The following TMEM132D variants were observed in gnomAD, a reference collection of about 807,000 sequenced individuals.
TMEM132D encodes transmembrane protein 132D.
Under a neutral mutation model 62.3 loss-of-function variants are expected in TMEM132D, and 21 were observed. The observed-to-expected ratio is 0.34, with a 90% CI of 0.24 to 0.49. The LOEUF (loss-of-function observed/expected upper bound fraction) is 0.49, where lower values mean the gene tolerates loss of function less well. TMEM132D is among the 20% of genes least tolerant of loss of function. The pLI, the probability that TMEM132D is intolerant of heterozygous loss-of-function variation, is 0.99. For synonymous variants in TMEM132D, 621 were observed against 575.6 expected (o/e 1.08, Z -1.13); for missense variants, 1,346 against 1,402.8 (o/e 0.96, Z 0.65).
intron 2 of TMEM132D, among the ~76,000 whole-genome samples, chr12:129,608,942 T>C (rs2137149383): frequency 1.1e-5 from 1 of 94,850 alleles, no homozygotes; most frequent in Admixed American, 9.4e-5. Flanking sequence ...CCTCAAATTG[T>C]TCTTTTTTTT....
intron 3 of TMEM132D, among the ~76,000 whole-genome samples, chr12:129,407,850 A>G (rs1871840307): frequency 6.6e-6 from 1 of 150,818 alleles, no homozygotes; most frequent in Non-Finnish European, 1.5e-5. Flanking sequence ...GGATCGCACC[A>G]CTGCACTCCA....
At chr12:129,866,934 T>C (rs1031065050) in intron 1 of TMEM132D, among the ~76,000 whole-genome samples, 2 of 152,098 alleles carry the variant, frequency 1.3e-5, no homozygotes, top group Non-Finnish European at 2.9e-5. Context: ...TATATATACA[T>C]GGAATATTAC....
intron 4 of TMEM132D, among the ~76,000 whole-genome samples, chr12:129,223,280 G>A (rs772748990): frequency 1.3e-5 from 2 of 151,812 alleles, no homozygotes; most frequent in African/African-American, 2.4e-5. Context: ...TGCTACTTCC[G>A]AGGCTAGGTC....
At chr12:129,245,882 G>C (rs1306537517) in intron 4 of TMEM132D, among the ~76,000 whole-genome samples, 1 of 152,192 alleles carries the variant, frequency 6.6e-6, no homozygotes, top group Non-Finnish European at 1.5e-5. Flanking sequence ...TATAAATAAA[G>C]ATGTTTCATG....
chr12:129,620,812 G>C (rs1879045383), intron 2 of TMEM132D, among the ~76,000 whole-genome samples: 1 of 152,072 alleles, frequency 6.6e-6, no homozygotes, highest in African/African-American at 2.4e-5. Flanking sequence ...CACACACTGG[G>C]GCCCTCTTGG....
At chr12:129,658,472 C>A (rs900552511) in intron 2 of TMEM132D, among the ~76,000 whole-genome samples, 21 of 152,118 alleles carry the variant, frequency 1.4e-4, no homozygotes, top group African/African-American at 4.8e-4. Flanking sequence ...TACAAACAAG[C>A]ATTTACAGAC....
intron 5 of TMEM132D, among the ~76,000 whole-genome samples, chr12:129,151,674 C>T (rs1430404052): frequency 6.6e-6 from 1 of 152,190 alleles, no homozygotes; most frequent in South Asian, 2.1e-4. Flanking sequence ...TCTTCAGACT[C>T]TTTCTTGGGA....
At chr12:129,379,028 T>C (rs1870861750) in intron 3 of TMEM132D, among the ~76,000 whole-genome samples, 1 of 152,220 alleles carries the variant, frequency 6.6e-6, no homozygotes, top group African/African-American at 2.4e-5. Flanking sequence ...CATCAATGGA[T>C]TAACTTTAAT....
In TMEM132D at chr12:129,903,103, GC is replaced by G. The variant is rs1242011809; in HGVS notation, c.79+157del. Among the ~76,000 whole-genome samples the G allele has an allele frequency of 6.6e-6, 1 of 152,304 alleles. No homozygotes were observed. Among genetic ancestry groups the G allele is most frequent in the East Asian group, 1.9e-4 (1 of 5,162 alleles). ...TCCGAGGAGCTTGGCTGCCGCACGAGCGCACGTTCACACGCGCGCACACACA... is the reference window on the plus strand; with the variant it reads ...TCCGAGGAGCTTGGCTGCCGCACGAGGCACGTTCACACGCGCGCACACACA... On this transcript the variant is annotated intron_variant, in intron 1 of 8. Coordinates refer to ENST00000422113, the MANE Select transcript of TMEM132D (RefSeq NM_133448.3). This position sits in a 1 kb window ranked among gnomAD's most constrained non-coding sequence, Gnocchi z 6.2.
chr12:129,292,436 C>T (rs1881471003), intron 4 of TMEM132D, among the ~76,000 whole-genome samples: 1 of 152,180 alleles, frequency 6.6e-6, no homozygotes, highest in Admixed American at 6.5e-5. Flanking sequence ...AATCAAATCA[C>T]ACCCATGAGC....
chr12:129,343,485 T>C lies in TMEM132D; in HGVS notation c.1116-5668A>G, dbSNP rs1344306855. Reference sequence around the variant, plus strand: ...AGATATACCTAATGTAAATGATGAGTTAATAGGTGCAGCACACCAACATGT... The same window carrying C: ...AGATATACCTAATGTAAATGATGAGCTAATAGGTGCAGCACACCAACATGT... On this transcript the variant is annotated intron_variant, in intron 3 of 8. Coordinates refer to ENST00000422113, the MANE Select transcript of TMEM132D (RefSeq NM_133448.3). Among the ~76,000 whole-genome samples the C allele has an allele frequency of 2.0e-5, 3 of 151,850 alleles. No homozygotes were observed. In the South Asian group the frequency reaches 6.2e-4, roughly 32 times the overall value.
At position 129,210,685 on chromosome 12, in the gene TMEM132D, T is replaced by C. The variant is rs116030702; in HGVS notation, c.1300-1022A>G. On this transcript the variant is annotated intron_variant, in intron 4 of 8. Transcript: ENST00000422113. ...AGACTCTAAGCTCCATGGGGCTGTA[T>C]CTGCTTTCTGCTCACCAGCACCCAG... 2.5e-3 allele frequency among the ~76,000 whole-genome samples: 374 copies of C among 152,326 alleles called. 2 individuals are homozygous for C. The highest frequency in any genetic ancestry group is 8.6e-3 in the African/African-American group (356 of 41,580).
In TMEM132D at chr12:129,071,782, T is replaced by G. The variant is rs1333144068; in HGVS notation, c.*2093A>C. On this transcript the variant is annotated 3_prime_UTR_variant, in exon 9 of 9. Transcript: ENST00000422113. The stretch of plus-strand genomic sequence containing the variant: ...AGTAAGTTTATAAATATATATTACA[T>G]TCTTACAATCTACAGTACATTCTAC... 6.6e-6 allele frequency: 1 copy of G among 152,234 alleles called. No homozygotes were observed. Among genetic ancestry groups the G allele is most frequent in the African/African-American group, 2.4e-5 (1 of 41,458 alleles). The allele number at this position is 152,234 out of a possible 1,614,324, so 9.4% of individuals were successfully genotyped here. A position where few individuals can be genotyped will look rare whatever the true frequency, so the allele number is the denominator to read the frequency against.
chr12:129,859,246 T>C (rs939144938), intron 1 of TMEM132D, among the ~76,000 whole-genome samples: 12 of 152,196 alleles, frequency 7.9e-5, no homozygotes, highest in Admixed American at 1.3e-4. Flanking sequence ...TCGAGAACCA[T>C]AGACATAGAC....
At chr12:129,892,708 T>A (rs1169015012) in intron 1 of TMEM132D, among the ~76,000 whole-genome samples, 1 of 152,140 alleles carries the variant, frequency 6.6e-6, no homozygotes. Flanking sequence ...CATCTCCCCA[T>A]CATTTATGGC....
rs139901795 is a variant in TMEM132D at position 129,277,825 on chromosome 12, C to A, written c.1299+59809G>T. Among the ~76,000 whole-genome samples the A allele has an allele frequency of 6.6e-6, 1 of 152,176 alleles. No homozygotes were observed. Among genetic ancestry groups the A allele is most frequent in the African/African-American group, 2.4e-5 (1 of 41,450 alleles). On this transcript the variant is annotated intron_variant, in intron 4 of 8. Transcript: ENST00000422113. This position sits in a 1 kb window ranked among gnomAD's most constrained non-coding sequence, Gnocchi z 4.2. ...TGAATATGACAAAGTTTGGAAAATACTGACCCAGAGGATGGATCCTTAGGC... is the reference window on the plus strand; with the variant it reads ...TGAATATGACAAAGTTTGGAAAATAATGACCCAGAGGATGGATCCTTAGGC...
intron 4 of TMEM132D, among the ~76,000 whole-genome samples, chr12:129,258,413 T>C (rs1194494914): frequency 3.3e-5 from 5 of 152,166 alleles, no homozygotes; most frequent in African/African-American, 1.2e-4. Flanking sequence ...AATAGAAACG[T>C]TCCAGTCTAT....
intron 2 of TMEM132D, 57 bp from the exon 3 acceptor site, chr12:129,531,262 C>G (rs112861401): frequency 6.5e-7 from 1 of 1,531,818 alleles, no homozygotes. Context: ...CCGGGTCATG[C>G]TGGTTCTGGG....
chr12:129,747,658 G>GAC lies in TMEM132D; in HGVS notation c.80-46962_80-46961dup, dbSNP rs935496615. Among the ~76,000 whole-genome samples, 5 of 144,236 alleles carry GAC rather than the reference G, an allele frequency of 3.5e-5. No individual in the cohort carries two copies. In the South Asian group the frequency reaches 1.1e-3, roughly 32 times the overall value. 94.6% of individuals were successfully genotyped at this position (144,236 alleles called of 152,430 possible). On this transcript the variant is annotated intron_variant, in intron 1 of 8. Coordinates refer to ENST00000422113, the MANE Select transcript of TMEM132D (RefSeq NM_133448.3). ...CAGTCAGATACATACACCAGACACA[G>GAC]ACACACACATTCAGACACACACAGA...
Sources: allele counts gnomAD v4.1 joint callset (sites outside exome capture counted in the v4.1 genomes callset), GRCh38; gene constraint gnomAD v4.1.1; non-coding constraint Gnocchi (gnomAD v3.1); transcripts MANE v1.5; gene names NCBI Gene and HGNC (gene_info 2026-07-23, HGNC 2026-07-21).